MYO3B: variants seen among roughly 807,000 people sequenced by gnomAD.
MYO3B encodes myosin-IIIb.
A neutral mutation model predicts 174.6 loss-of-function variants in MYO3B; 156 were observed. The observed-to-expected ratio is 0.89, with a 90% CI of 0.78 to 1.02. MYO3B has a LOEUF of 1.02. Among genes scored for constraint, MYO3B ranks in the 50% least tolerant of loss-of-function variants. The probability of loss-of-function intolerance (pLI) is 0.00; values close to 1 mark genes in which losing one functional copy is unlikely to be tolerated. For synonymous variants in MYO3B, 563 were observed against 569.1 expected (o/e 0.99, Z 0.15); for missense variants, 1,632 against 1,639.4 (o/e 1.00, Z 0.08).
intron 7 of MYO3B, among the ~76,000 whole-genome samples, chr2:170,318,764 A>T (rs1195125803): frequency 6.6e-6 from 1 of 152,176 alleles, no homozygotes; most frequent in Admixed American, 6.5e-5. Flanking sequence ...GCTTGATGAC[A>T]ACTAACACCC....
chr2:170,252,015 T>C (rs2093258812), intron 7 of MYO3B, among the ~76,000 whole-genome samples: 1 of 152,216 alleles, frequency 6.6e-6, no homozygotes, highest in Non-Finnish European at 1.5e-5. Context: ...TATGGGGAAG[T>C]TGGCTTACCT....
At chr2:170,591,533 G>T (rs1166262423) in intron 32 of MYO3B, among the ~76,000 whole-genome samples, 5 of 152,210 alleles carry the variant, frequency 3.3e-5, no homozygotes, top group Non-Finnish European at 7.3e-5. Flanking sequence ...ACAGTCATCA[G>T]TTGGCAGGTC....
rs1485782922 is a variant in MYO3B, at chr2:170,236,053, G to A, written c.666G>A (p.Leu222=). The A allele has an allele frequency of 6.2e-7, 1 of 1,613,876 alleles. No individual in the cohort carries two copies. Among genetic ancestry groups the A allele is most frequent in the Non-Finnish European group, 8.5e-7 (1 of 1,180,014 alleles). Residue 222 remains leucine, a synonymous_variant, in exon 7 of 35, where the codon TTG becomes TTA. Transcript: ENST00000408978. ...SYDARCDVWS[L]GITAIELGDG... ...ACGCTCGCTGTGACGTCTGGTCCTT[G>A]GGGATCACAGCTATTGAACTGGGGG...
intron 32 of MYO3B, among the ~76,000 whole-genome samples, chr2:170,631,653 A>G (rs1696993731): frequency 1.3e-5 from 2 of 152,192 alleles, no homozygotes; most frequent in Admixed American, 1.3e-4. Context: ...GCAGCCAGAG[A>G]GAAAGGTCGG....
At chr2:170,514,238 T>A (rs966573322) in intron 28 of MYO3B, among the ~76,000 whole-genome samples, 1 of 152,158 alleles carries the variant, frequency 6.6e-6, no homozygotes. Context: ...CTTGAGGTCA[T>A]GGAGAACGGA....
In MYO3B at chr2:170,499,824, C is replaced by G. The variant is rs1282416783; in HGVS notation, c.3289+16C>G. 8.1e-6 allele frequency: 13 copies of G among 1,612,380 alleles called. No individual in the cohort carries two copies. Among genetic ancestry groups the G allele is most frequent in the Non-Finnish European group, 1.1e-5 (13 of 1,178,802 alleles). ...ATCCAGTCAGGTAAATGGTCCTGTT[C>G]TCATAAATACTGCCCTGGGTATTGG... is the stretch of plus-strand genomic sequence containing the variant. On this transcript the variant is annotated intron_variant, in intron 27 of 34. Coordinates refer to ENST00000408978, the MANE Select transcript of MYO3B (RefSeq NM_138995.5).
rs1694791824 is a variant in MYO3B, at chr2:170,606,143, G to A, written c.3734-45485G>A. ...GGACTCCCAGCAGAGACAGTGATCA[G>A]CGTTGAAGAAATAATCTGCTTCGTG... is the stretch of plus-strand genomic sequence containing the variant. On this transcript the variant is annotated intron_variant, in intron 32 of 34. Coordinates refer to ENST00000408978, the MANE Select transcript of MYO3B (RefSeq NM_138995.5). Among the ~76,000 whole-genome samples the A allele has an allele frequency of 2.0e-5, 3 of 152,006 alleles. No homozygotes were observed. In the South Asian group the frequency reaches 6.2e-4, roughly 32 times the overall value.
rs556951826 is a variant in MYO3B, at chr2:170,611,838, G to A, written c.3734-39790G>A. Among the ~76,000 whole-genome samples, 14 of 152,286 alleles carry A rather than the reference G, an allele frequency of 9.2e-5. No individual in the cohort carries two copies. In the South Asian group the frequency reaches 2.1e-3, roughly 23 times the overall value. On this transcript the variant is annotated intron_variant, in intron 32 of 34. Coordinates refer to ENST00000408978, the MANE Select transcript of MYO3B (RefSeq NM_138995.5). ...ATGGCTTTATTTTGCTTTGTTACAAGTGAATAGACTGAAGCAGGGTTTTTC... is the reference window on the plus strand; with the variant it reads ...ATGGCTTTATTTTGCTTTGTTACAAATGAATAGACTGAAGCAGGGTTTTTC...
At chr2:170,318,834 T>C (rs201105286) in intron 7 of MYO3B, among the ~76,000 whole-genome samples, 1 of 46,578 alleles carries the variant, frequency 2.1e-5, no homozygotes, top group African/African-American at 4.4e-5. Context: ...ATCTGTGTCA[T>C]GTGTCGAAAT....
chr2:170,649,091 A>C (rs796171894), intron 32 of MYO3B, among the ~76,000 whole-genome samples: 2 of 83,876 alleles, frequency 2.4e-5, no homozygotes, highest in African/African-American at 1.1e-4. Context: ...AAAATAATAT[A>C]TAATGTATAT....
At chr2:170,336,535 G>A (rs752903783) in intron 8 of MYO3B, among the ~76,000 whole-genome samples, 1 of 152,098 alleles carries the variant, frequency 6.6e-6, no homozygotes, top group South Asian at 2.1e-4. Flanking sequence ...GAGTCATTTA[G>A]CAGCAAAACC....
chr2:170,555,990 G>T (rs1302079094), intron 32 of MYO3B, among the ~76,000 whole-genome samples: 1 of 152,166 alleles, frequency 6.6e-6, no homozygotes, highest in African/African-American at 2.4e-5. Flanking sequence ...GAGGTCAGGA[G>T]TTCTAGACCA....
chr2:170,608,602 GAA>G (rs555043787), intron 32 of MYO3B, among the ~76,000 whole-genome samples: 3 of 145,192 alleles, frequency 2.1e-5, no homozygotes, highest in African/African-American at 5.0e-5. Flanking sequence ...CACCCAATAG[GAA>G]AAAAAAAAAC....
chr2:170,511,700 A>G (rs1688001747), intron 28 of MYO3B, among the ~76,000 whole-genome samples: 1 of 152,200 alleles, frequency 6.6e-6, no homozygotes, highest in African/African-American at 2.4e-5. Flanking sequence ...TTTTCTCAAC[A>G]TCCTGTCTGT....
At chr2:170,577,923 A>C (rs1692884855) in intron 32 of MYO3B, among the ~76,000 whole-genome samples, 1 of 152,226 alleles carries the variant, frequency 6.6e-6, no homozygotes, top group Non-Finnish European at 1.5e-5. Flanking sequence ...GATTTTGCTC[A>C]AACTGCAAAG....
At chr2:170,475,582 C>T (rs1685263782) in intron 25 of MYO3B, among the ~76,000 whole-genome samples, 2 of 152,170 alleles carry the variant, frequency 1.3e-5, no homozygotes, top group Admixed American at 1.3e-4. Context: ...TATTTCCTGC[C>T]ATACTTTCAG....
intron 8 of MYO3B, 51 bp from the exon 9 acceptor site, chr2:170,369,171 A>G: frequency 6.4e-7 from 1 of 1,564,018 alleles, no homozygotes; most frequent in Non-Finnish European, 8.7e-7. Flanking sequence ...TCATAGGGGA[A>G]CAGGGTGTCT....
At position 170,653,180 on chromosome 2, in the gene MYO3B, C is replaced by T. The variant is rs1467417918; in HGVS notation, c.*59C>T. ...AGGAACATTCATGGTAATCGACTGT[C>T]TGTCATTGCGTAAGAAAGCACTGAT... On this transcript the variant is annotated 3_prime_UTR_variant, in exon 35 of 35. Transcript: ENST00000408978. 6.2e-7 allele frequency: 1 copy of T among 1,601,828 alleles called. No homozygotes were observed. Among genetic ancestry groups the T allele is most frequent in the South Asian group, 1.1e-5 (1 of 90,454 alleles).
chr2:170,432,725 T>TGC (rs2094720951), intron 22 of MYO3B, among the ~76,000 whole-genome samples: 1 of 151,940 alleles, frequency 6.6e-6, no homozygotes, highest in Admixed American at 6.6e-5. Flanking sequence ...TACAGGCGCC[T>TGC]GCCACCATGC....
Sources: allele counts gnomAD v4.1 joint callset (sites outside exome capture counted in the v4.1 genomes callset), GRCh38; gene constraint gnomAD v4.1.1; transcripts MANE v1.5; gene names NCBI Gene and HGNC (gene_info 2026-07-23, HGNC 2026-07-21).